PRR16: variants seen among roughly 807,000 people sequenced by gnomAD.
The protein encoded by PRR16 is protein Largen.
A neutral mutation model predicts 18.2 loss-of-function variants in PRR16; 6 were observed. The observed-to-expected ratio is 0.33, with a 90% CI of 0.18 to 0.65. The LOEUF is 0.65. Among genes scored for constraint, PRR16 ranks in the 30% least tolerant of loss-of-function variants. The pLI, the probability that PRR16 is intolerant of heterozygous loss-of-function variation, is 0.74. For missense variants in PRR16, 412 were observed against 376.6 expected (o/e 1.09, Z -0.78); for synonymous variants, 151 against 147.8 (o/e 1.02, Z -0.16).
intron 1 of PRR16, among the ~76,000 whole-genome samples, chr5:120,551,455 C>T (rs1246775255): frequency 6.6e-6 from 1 of 151,982 alleles, no homozygotes; most frequent in Non-Finnish European, 1.5e-5. Flanking sequence ...GCTTCATCGT[C>T]TATTAAATGT....
chr5:120,775,056 T>G, the PRR16 span, among the ~76,000 whole-genome samples: 1 of 152,184 alleles, frequency 6.6e-6, no homozygotes, highest in Non-Finnish European at 1.5e-5. Context: ...GGCATGACAC[T>G]TACTAAAATA....
chr5:120,497,776 ACATAT>A (rs1750306568), intron 1 of PRR16, among the ~76,000 whole-genome samples: 1 of 151,794 alleles, frequency 6.6e-6, no homozygotes, highest in Admixed American at 6.6e-5. Flanking sequence ...TATAAAAATA[ACATAT>A]CATATTATTT....
the PRR16 span, among the ~76,000 whole-genome samples, chr5:120,770,952 A>T: frequency 0.82 from 108,966 of 132,212 alleles, 43,748 homozygotes; most frequent in South Asian, 0.89. Flanking sequence ...TCTCTCTCTC[A>T]CACACACACA....
At chr5:120,624,418 C>T (rs574253815) in intron 1 of PRR16, among the ~76,000 whole-genome samples, 1 of 152,200 alleles carries the variant, frequency 6.6e-6, no homozygotes, top group Non-Finnish European at 1.5e-5. Context: ...GATCATGCCT[C>T]CATTTGCCTT....
chr5:120,709,230 ATC>A, the PRR16 span, among the ~76,000 whole-genome samples: 1 of 151,750 alleles, frequency 6.6e-6, no homozygotes, highest in Non-Finnish European at 1.5e-5. Context: ...GATGGTCTCG[ATC>A]TCCTGACCTC....
intron 1 of PRR16, among the ~76,000 whole-genome samples, chr5:120,597,940 G>A (rs942286491): frequency 5.3e-5 from 8 of 151,906 alleles, no homozygotes; most frequent in African/African-American, 1.9e-4. Flanking sequence ...GTGAATGGCT[G>A]TTGCTATAAT....
At chr5:120,607,769 A>G (rs907806588) in intron 1 of PRR16, among the ~76,000 whole-genome samples, 1 of 151,710 alleles carries the variant, frequency 6.6e-6, no homozygotes, top group Non-Finnish European at 1.5e-5. Flanking sequence ...AGAGGTGATA[A>G]CCATGTGTGT....
the PRR16 span, among the ~76,000 whole-genome samples, chr5:120,702,499 C>G: frequency 1.3e-5 from 2 of 152,106 alleles, no homozygotes; most frequent in Non-Finnish European, 2.9e-5. Context: ...TGCCCCTTCC[C>G]CAGAAAAGCG....
chr5:120,576,748 G>T (rs545042294), intron 1 of PRR16, among the ~76,000 whole-genome samples: 69 of 152,128 alleles, frequency 4.5e-4, no homozygotes, highest in African/African-American at 1.5e-3. Context: ...CTGGCTTTCA[G>T]ACTGGAATTT....
intron 1 of PRR16, among the ~76,000 whole-genome samples, chr5:120,520,559 G>A (rs1751141041): frequency 6.6e-6 from 1 of 152,104 alleles, no homozygotes; most frequent in Non-Finnish European, 1.5e-5. Context: ...TCAAATCTTG[G>A]TTCATGATGG....
intron 1 of PRR16, among the ~76,000 whole-genome samples, chr5:120,589,653 G>T (rs1376920065): frequency 6.6e-6 from 1 of 152,084 alleles, no homozygotes; most frequent in African/African-American, 2.4e-5. Flanking sequence ...AGGAGAAAAT[G>T]AGGAAGATGT....
In PRR16 at chr5:120,563,339, C is replaced by T. The variant is rs1419492289; in HGVS notation, c.159+98694C>T. ...GGACTTCCCTTCAAGATGGCCAGAT[C>T]CCCCAGGTCCTAGTAGGGTCTAGAG... On this transcript the variant is annotated intron_variant, in intron 1 of 1. Transcript: ENST00000407149. Among the ~76,000 whole-genome samples, 4 of 152,152 alleles carry T rather than the reference C, an allele frequency of 2.6e-5. 1 individual carries two copies. Among genetic ancestry groups the T allele is most frequent in the Non-Finnish European group, 4.4e-5 (3 of 68,008 alleles).
chr5:120,512,140 C>T (rs1380035592), intron 1 of PRR16, among the ~76,000 whole-genome samples: 1 of 79,012 alleles, frequency 1.3e-5, no homozygotes, highest in East Asian at 2.1e-4. Flanking sequence ...TAGATTCAGG[C>T]ATCCTGCTGT....
chr5:120,475,915 A>G (rs1439753020), intron 1 of PRR16, among the ~76,000 whole-genome samples: 1 of 152,156 alleles, frequency 6.6e-6, no homozygotes, highest in Non-Finnish European at 1.5e-5. Flanking sequence ...TTTATGGAAG[A>G]GTATTAAGGG....
At chr5:120,633,485 C>T (rs550618096) in intron 1 of PRR16, among the ~76,000 whole-genome samples, 2 of 152,186 alleles carry the variant, frequency 1.3e-5, no homozygotes, top group South Asian at 4.1e-4. Context: ...ACTCACCTAA[C>T]ACACAAGGAC....
intron 1 of PRR16, among the ~76,000 whole-genome samples, chr5:120,630,040 A>T (rs1755002492): frequency 6.6e-6 from 1 of 151,830 alleles, no homozygotes; most frequent in African/African-American, 2.4e-5. Flanking sequence ...GTGTCTGATG[A>T]TTTTCTTCTA....
At chr5:120,615,599 T>A (rs2124166) in intron 1 of PRR16, among the ~76,000 whole-genome samples, 67,177 of 151,662 alleles carry the variant, frequency 0.44, 15,685 homozygotes, top group East Asian at 0.83. Flanking sequence ...ATTAGAAAAT[T>A]TGACAGTTTT....
At chr5:120,753,709 A>G in the PRR16 span, among the ~76,000 whole-genome samples, 3 of 150,080 alleles carry the variant, frequency 2.0e-5, no homozygotes, top group Non-Finnish European at 4.4e-5. Flanking sequence ...GCCTTGTTCA[A>G]TTCTTACAAC....
intron 1 of PRR16, among the ~76,000 whole-genome samples, chr5:120,584,452 TA>T (rs1561558334): frequency 6.6e-6 from 1 of 152,186 alleles, no homozygotes; most frequent in African/African-American, 2.4e-5. Flanking sequence ...CACAGTTGAT[TA>T]ATAGACTAAA....
Sources: gnomAD v4.1 joint callset for allele counts (sites outside exome capture counted in the v4.1 genomes callset) on GRCh38, gnomAD v4.1.1 for gene constraint, MANE v1.5 for transcripts, NCBI Gene and HGNC (gene_info 2026-07-23, HGNC 2026-07-21) for gene names.